Variants in PLA2G5 observed in about 807,000 individuals in gnomAD.
PLA2G5 encodes Ca2+-dependent phospholipase A2.
Under a neutral mutation model 15.9 loss-of-function variants are expected in PLA2G5, and 12 were observed. The observed-to-expected ratio is 0.76, with a 90% CI of 0.48 to 1.23. The LOEUF (loss-of-function observed/expected upper bound fraction) is 1.23, where lower values mean the gene tolerates loss of function less well. PLA2G5 is among the 50% of genes most tolerant of loss of function. PLA2G5 has a pLI of 0.00. For missense variants in PLA2G5, 169 were observed against 177.1 expected, an observed-to-expected ratio of 0.95 and a Z score of 0.26; for synonymous variants, 71 against 71.4, an observed-to-expected ratio of 0.99 and a Z score of 0.03.
chr1:20,065,008 G>A (rs1328446294), intron 2 of PLA2G5, among the ~76,000 whole-genome samples: 1 of 152,144 alleles, frequency 6.6e-6, no homozygotes, highest in Non-Finnish European at 1.5e-5. Context: ...ACACAAAATA[G>A]ACCTGAAACA....
chr1:20,031,975 G>T (rs1466272424), intron 1 of PLA2G5, among the ~76,000 whole-genome samples: 1 of 152,074 alleles, frequency 6.6e-6, no homozygotes, highest in African/African-American at 2.4e-5. Flanking sequence ...GGTATAGAAG[G>T]GGGAGGAGAA....
chr1:20,079,034 A>G (rs939270343), intron 1 of PLA2G5, among the ~76,000 whole-genome samples: 1 of 149,222 alleles, frequency 6.7e-6, no homozygotes, highest in Non-Finnish European at 1.5e-5. Context: ...AGATGGCTTG[A>G]GCCCAGGAGG....
upstream of PLA2G5, chr1:20,066,274 T>G (rs577849649): frequency 6.6e-6 from 1 of 152,368 alleles, no homozygotes; most frequent in African/African-American, 2.4e-5. Context: ...GTTATTCATT[T>G]TCTTATTTTT....
In PLA2G5 at chr1:20,086,174, C is replaced by T. The variant is rs1262533812; in HGVS notation, c.132C>T (p.Tyr44=). The T allele has an allele frequency of 1.3e-5, 21 of 1,614,004 alleles. No individual in the cohort carries two copies. The highest frequency in any genetic ancestry group is 2.2e-5 in the East Asian group (1 of 44,884). Residue 44 remains tyrosine (Y), a synonymous_variant, in exon 3 of 5, where the codon TAC becomes TAT. Transcript: ENST00000375108. ...ACGCCCTGACAAACTACGGCTTCTA[C>T]GGCTGTTACTGCGGCTGGGGCGGCC... ...GKNALTNYGF[Y]GCYCGWGGRG... is the part of the protein sequence containing the mutation.
At chr1:20,076,877 A>C (rs1301483626) in intron 1 of PLA2G5, 1 of 152,244 alleles carries the variant, frequency 6.6e-6, no homozygotes, top group East Asian at 1.9e-4. Flanking sequence ...CTTGATGTAG[A>C]TTTTCTGCCA....
intron 1 of PLA2G5, among the ~76,000 whole-genome samples, 188 bp downstream of exon 1, chr1:20,070,653 G>A (rs2015316614): frequency 6.6e-6 from 1 of 152,154 alleles, no homozygotes; most frequent in South Asian, 2.1e-4. Flanking sequence ...GTCAGGCCTG[G>A]AGAGCGGGCT....
intron 3 of PLA2G5, among the ~76,000 whole-genome samples, chr1:20,088,176 G>A (rs2100637907): frequency 6.6e-6 from 1 of 152,256 alleles, no homozygotes; most frequent in Admixed American, 6.5e-5. Flanking sequence ...TGACCAATGT[G>A]GAAAAACCCC....
chr1:20,046,138 C>G (rs1242194313), intron 1 of PLA2G5: 1 of 152,182 alleles, frequency 6.6e-6, no homozygotes, highest in Non-Finnish European at 1.5e-5. Flanking sequence ...AGACCCATCC[C>G]TAGGTAAGTA....
chr1:20,045,314 T>C (rs909099732), intron 1 of PLA2G5, among the ~76,000 whole-genome samples: 2 of 151,962 alleles, frequency 1.3e-5, no homozygotes, highest in African/African-American at 4.8e-5. Flanking sequence ...CTTGCCCCCC[T>C]GGGGAGGTGG....
intron 1 of PLA2G5, among the ~76,000 whole-genome samples, chr1:20,043,193 G>T (rs1455346528): frequency 6.6e-6 from 1 of 152,152 alleles, no homozygotes; most frequent in Non-Finnish European, 1.5e-5. Flanking sequence ...ATAGTGAGTT[G>T]TGGAGGGAGG....
rs894744274 is a variant in PLA2G5, at chr1:20,043,696, G to A, written n.276+14987G>A. Among the ~76,000 whole-genome samples, 12 of 152,316 alleles carry A rather than the reference G, an allele frequency of 7.9e-5. No homozygotes were observed. The East Asian group carries it at 9.6e-4, about 12-fold the overall frequency. On this transcript the variant is annotated intron_variant and non_coding_transcript_variant, in intron 1 of 6. Coordinates refer to the PLA2G5 transcript ENST00000460175. ...GGCAGGTAGGGATAACTAAAAAAGA[G>A]TGCATAAAAGAATGTTGTCCAAGTT...
chr1:20,031,600 C>T (rs1217886690), intron 1 of PLA2G5, among the ~76,000 whole-genome samples: 3 of 143,138 alleles, frequency 2.1e-5, no homozygotes, highest in Admixed American at 7.1e-5. Flanking sequence ...CCTGGATTGG[C>T]AACTTCTGGA....
At chr1:20,030,571 C>T (rs1040054002) in intron 1 of PLA2G5, among the ~76,000 whole-genome samples, 1 of 152,004 alleles carries the variant, frequency 6.6e-6, no homozygotes, top group Non-Finnish European at 1.5e-5. Context: ...TCCTCTTTCA[C>T]TAATCCTCCT....
Position 20,086,214 on chromosome 1 carries a change from G to C in PLA2G5, c.172G>C (p.Asp58His). The change falls in exon 3 of 5, where the codon GAT becomes CAT. Residue 58 changes from aspartate to histidine, a missense_variant. Asp to His is a moderately conservative substitution (Grantham distance 81, BLOSUM62 -1). Coordinates refer to ENST00000375108, the MANE Select transcript of PLA2G5 (RefSeq NM_000929.3). Reference protein sequence around the residue: ...CGWGGRGTPKDGTDWCCWAHD... With the variant: ...CGWGGRGTPKHGTDWCCWAHD... ...CTGGGGCGGCCGAGGAACCCCCAAG[G>C]ATGGCACCGATTGGTGAGCTGATCG... 1 of 1,614,178 alleles carries C rather than the reference G, an allele frequency of 6.2e-7. No individual in the cohort carries two copies. The highest frequency in any genetic ancestry group is 8.5e-7 in the Non-Finnish European group (1 of 1,180,010).
intron 2 of PLA2G5, among the ~76,000 whole-genome samples, chr1:20,061,208 T>A (rs1291158483): frequency 1.3e-5 from 2 of 152,170 alleles, no homozygotes; most frequent in Non-Finnish European, 2.9e-5. Context: ...TTCATGCTGT[T>A]TTCTACTTTA....
At chr1:20,058,299 A>G (rs74344350) in intron 1 of PLA2G5, among the ~76,000 whole-genome samples, 168 of 152,214 alleles carry the variant, frequency 1.1e-3, no homozygotes, top group African/African-American at 3.8e-3. Flanking sequence ...ACGTATTTTG[A>G]CACTCCGTTG....
chr1:20,071,892 G>T (rs1197011049), intron 1 of PLA2G5, among the ~76,000 whole-genome samples: 1 of 152,122 alleles, frequency 6.6e-6, no homozygotes, highest in Non-Finnish European at 1.5e-5. Flanking sequence ...TGGATCACTT[G>T]AGGCCAGGAG....
chr1:20,048,264 T>C (rs1464436975), intron 1 of PLA2G5, among the ~76,000 whole-genome samples: 1 of 152,136 alleles, frequency 6.6e-6, no homozygotes, highest in African/African-American at 2.4e-5. Flanking sequence ...AGCCTTAAAA[T>C]TGTTGGTAAA....
At chr1:20,037,273 T>C (rs1346602969) in intron 1 of PLA2G5, among the ~76,000 whole-genome samples, 1 of 152,216 alleles carries the variant, frequency 6.6e-6, no homozygotes, top group Non-Finnish European at 1.5e-5. Context: ...CTCTCCCCCT[T>C]CCTTTAGGGA....
Sources: gnomAD v4.1 joint callset for allele counts (sites outside exome capture counted in the v4.1 genomes callset) on GRCh38, gnomAD v4.1.1 for gene constraint, MANE v1.5 for transcripts, NCBI Gene and HGNC (gene_info 2026-07-23, HGNC 2026-07-21) for gene names.